Variants in ZDHHC13 observed in about 807,000 individuals in gnomAD.
ZDHHC13 encodes the protein palmitoyltransferase ZDHHC13.
In ZDHHC13, 85 loss-of-function variants were observed where a neutral mutation model predicts 86.0. The observed-to-expected ratio is 0.99, with a 90% CI of 0.83 to 1.18. The LOEUF is 1.18. Ranked by LOEUF, ZDHHC13 falls within the 50% of genes most tolerant of loss-of-function variation. ZDHHC13 has a pLI of 0.00. For missense variants in ZDHHC13, 711 were observed against 730.2 expected, an observed-to-expected ratio of 0.97 and a Z score of 0.30; for synonymous variants, 263 against 246.4, an observed-to-expected ratio of 1.07 and a Z score of -0.63.
In ZDHHC13 at chr11:19,169,434, A is replaced by AT. The variant is rs1296536505; in HGVS notation, c.1475-972dup. On this transcript the variant is annotated intron_variant, in intron 14 of 16. Transcript: ENST00000446113. ...AGACTTAAAGAGAAAAGAAAAGTAGATTTTTAGGATTTAAATGGACAGTTG... is the reference window on the plus strand; with the variant it reads ...AGACTTAAAGAGAAAAGAAAAGTAGATTTTTTAGGATTTAAATGGACAGTTG... 16 of 985,444 alleles carry AT rather than the reference A, an allele frequency of 1.6e-5. No individual in the cohort carries two copies. The East Asian group carries it at 6.8e-4, about 42-fold the overall frequency. The allele number at this position is 985,444 out of a possible 1,614,324, so 61.0% of individuals were successfully genotyped here. A position where few individuals can be genotyped will look rare whatever the true frequency, so the allele number is the denominator to read the frequency against.
chr11:19,118,382 T>C lies in ZDHHC13; in HGVS notation c.27+1106T>C, dbSNP rs140710747. ...CTGGGGAAATGTCAAGGTGTTCTTA[T>C]TGGTTATTCTTGAATTTTAACAGAA... On this transcript the variant is annotated intron_variant, in intron 1 of 16. Coordinates refer to ENST00000446113, the MANE Select transcript of ZDHHC13 (RefSeq NM_019028.3). Among the ~76,000 whole-genome samples, 158 of 152,372 alleles carry C rather than the reference T, an allele frequency of 1.0e-3. 2 individuals are homozygous for C. Among genetic ancestry groups the C allele is most frequent in the Admixed American group, 4.6e-3 (71 of 15,312 alleles).
At chr11:19,173,903 G>GAGAGCACT (rs1370890702) in intron 16 of ZDHHC13, among the ~76,000 whole-genome samples, 1 of 152,164 alleles carries the variant, frequency 6.6e-6, no homozygotes, top group Admixed American at 6.5e-5. Context: ...AGGGACACAT[G>GAGAGCACT]AGAGCACTAG....
chr11:19,132,552 A>AT (rs528985630), intron 1 of ZDHHC13, among the ~76,000 whole-genome samples: 2 of 152,058 alleles, frequency 1.3e-5, no homozygotes, highest in Non-Finnish European at 2.9e-5. Context: ...TCCTGTACAG[A>AT]TTTTTTGGAG....
intron 5 of ZDHHC13, among the ~76,000 whole-genome samples, chr11:19,150,001 A>G (rs1849567039): frequency 6.6e-6 from 1 of 152,138 alleles, no homozygotes; most frequent in South Asian, 2.1e-4. Flanking sequence ...ATAACCTCCT[A>G]GGTTTCATTG....
At chr11:19,142,528 C>T (rs148370490) in intron 1 of ZDHHC13, among the ~76,000 whole-genome samples, 2 of 152,292 alleles carry the variant, frequency 1.3e-5, no homozygotes, top group African/African-American at 4.8e-5. Flanking sequence ...ATGTCCACCA[C>T]AACTCCAAAA....
At chr11:19,159,614 A>G (rs1397449800) in intron 10 of ZDHHC13, among the ~76,000 whole-genome samples, 2 of 150,670 alleles carry the variant, frequency 1.3e-5, no homozygotes, top group Non-Finnish European at 2.9e-5. Context: ...AAAAATTTTA[A>G]TCATGGCCCA....
intron 14 of ZDHHC13, chr11:19,166,953 T>C (rs1850088720): frequency 1.3e-5 from 2 of 152,352 alleles, no homozygotes; most frequent in African/African-American, 4.8e-5. Flanking sequence ...TAAAAAAGTA[T>C]ATAGGGGTCT....
chr11:19,140,369 C>G (rs1259514481), intron 1 of ZDHHC13, among the ~76,000 whole-genome samples: 1 of 152,134 alleles, frequency 6.6e-6, no homozygotes, highest in Non-Finnish European at 1.5e-5. Flanking sequence ...CAATGAGATA[C>G]CATCTCACAC....
rs773224618 is a variant in ZDHHC13, at chr11:19,152,192, C to T, written c.619C>T (p.Pro207Ser). Residue 207 changes from proline (P) to serine (S), a missense_variant, in exon 7 of 17, where the codon CCT becomes TCT. By Grantham distance (74) the Pro-to-Ser change is moderately conservative (BLOSUM62 -1). Transcript: ENST00000446113. Reference protein sequence around the residue: ...EPTGFLLKFNPSLNVVDKIHQ... With the variant: ...EPTGFLLKFNSSLNVVDKIHQ... ...AACTGGATTTCTTTTAAAGTTTAAT[C>T]CTTCTCTCAATGTGGTTGATAAAAT... The T allele has an allele frequency of 1.9e-6, 3 of 1,613,024 alleles. No homozygotes were observed. Among genetic ancestry groups the T allele is most frequent in the African/African-American group, 1.3e-5 (1 of 74,874 alleles).
intron 14 of ZDHHC13, chr11:19,169,393 G>T: frequency 1.0e-6 from 1 of 985,422 alleles, no homozygotes; most frequent in South Asian, 4.7e-5. Context: ...ATTCATGAAA[G>T]ATGGTTGGGA....
chr11:19,172,428 G>A (rs958578973), intron 15 of ZDHHC13, among the ~76,000 whole-genome samples: 1 of 152,172 alleles, frequency 6.6e-6, no homozygotes, highest in Non-Finnish European at 1.5e-5. Context: ...GATGAGAGTG[G>A]TATGATGAGC....
intron 1 of ZDHHC13, among the ~76,000 whole-genome samples, chr11:19,123,954 G>C (rs1288564293): frequency 6.6e-6 from 1 of 152,128 alleles, no homozygotes; most frequent in East Asian, 1.9e-4. Context: ...TTGCTATTGG[G>C]ACTGTGAATT....
At chr11:19,147,779 C>CCA (rs1231075190) in intron 4 of ZDHHC13, 106 bp downstream of exon 4, 5 of 762,604 alleles carry the variant, frequency 6.6e-6, no homozygotes, top group Non-Finnish European at 7.6e-6. Context: ...TCTTCCCCCC[C>CCA]CCCCTTTATT....
At chr11:19,151,977 C>CT (rs971885086) in intron 6 of ZDHHC13, among the ~76,000 whole-genome samples, 181 bp from the exon 7 acceptor site, 5 of 151,216 alleles carry the variant, frequency 3.3e-5, no homozygotes, top group Non-Finnish European at 5.9e-5. Context: ...TAATAGATGT[C>CT]TTTTTTTTTA....
intron 2 of ZDHHC13, among the ~76,000 whole-genome samples, chr11:19,145,687 T>G (rs995722079): frequency 1.3e-5 from 2 of 152,254 alleles, no homozygotes; most frequent in Non-Finnish European, 2.9e-5. Context: ...CTATAAAATA[T>G]AGCTTAGTTT....
intron 10 of ZDHHC13, among the ~76,000 whole-genome samples, chr11:19,159,889 T>G (rs1849863319): frequency 6.6e-6 from 1 of 151,858 alleles, no homozygotes; most frequent in Non-Finnish European, 1.5e-5. Flanking sequence ...CCAGACTCCC[T>G]TCTCCCCTTC....
At chr11:19,148,267 TG>T (rs1849522271) in intron 4 of ZDHHC13, among the ~76,000 whole-genome samples, 1 of 144,480 alleles carries the variant, frequency 6.9e-6, no homozygotes, top group African/African-American at 2.6e-5. Flanking sequence ...CGGTGGTTGG[TG>T]GGGTTGACAG....
In ZDHHC13 at chr11:19,142,929, G is replaced by A. The variant is rs78478993; in HGVS notation, c.28-49G>A. 1.3e-3 allele frequency: 1,984 copies of A among 1,523,428 alleles called. 18 individuals carry two copies. In the African/African-American group the frequency reaches 0.025, roughly 19 times the overall value. 94.4% of individuals were successfully genotyped at this position (1,523,428 alleles called of 1,614,324 possible). On this transcript the variant is annotated intron_variant, in intron 1 of 16. Coordinates refer to ENST00000446113, the MANE Select transcript of ZDHHC13 (RefSeq NM_019028.3). ...AGCAAATGCTTCATTATGTAATTGA[G>A]TGTGACATTAATTCTCTCATGCTTT...
intron 1 of ZDHHC13, among the ~76,000 whole-genome samples, chr11:19,131,768 A>T (rs7101852): frequency 6.6e-6 from 1 of 151,706 alleles, no homozygotes; most frequent in Non-Finnish European, 1.5e-5. Flanking sequence ...CGAGCAGCTG[A>T]GATTACAGGC....
Sources: allele counts gnomAD v4.1 joint callset (sites outside exome capture counted in the v4.1 genomes callset), GRCh38; gene constraint gnomAD v4.1.1; transcripts MANE v1.5; gene names NCBI Gene and HGNC (gene_info 2026-07-23, HGNC 2026-07-21).